UBE2E2: variants seen among roughly 807,000 people sequenced by gnomAD.
UBE2E2 encodes the protein ubiquitin conjugating enzyme E2 E2, also known as ubiquitin-conjugating enzyme E2 E2.
Under a neutral mutation model 24.7 loss-of-function variants are expected in UBE2E2, and 6 were observed. The observed-to-expected ratio is 0.24, with a 90% CI of 0.13 to 0.48. The LOEUF is 0.48. UBE2E2 is among the 20% of genes least tolerant of loss of function. The pLI, the probability that UBE2E2 is intolerant of heterozygous loss-of-function variation, is 0.99. For synonymous variants in UBE2E2, 104 were observed against 83.6 expected (o/e 1.24, Z -1.33); for missense variants, 169 against 245.0 (o/e 0.69, Z 2.07).
intron 5 of UBE2E2, among the ~76,000 whole-genome samples, chr3:23,535,674 A>G (rs1214732387): frequency 5.8e-5 from 7 of 121,412 alleles, no homozygotes; most frequent in African/African-American, 2.0e-4. Context: ...CCCAGGCTGG[A>G]TTGCAATGGC....
At chr3:23,553,440 T>A (rs1372372601) in intron 5 of UBE2E2, among the ~76,000 whole-genome samples, 2 of 152,312 alleles carry the variant, frequency 1.3e-5, no homozygotes, top group East Asian at 3.9e-4. Context: ...TAGCTATAAC[T>A]ATAGGGCCTT....
intron 4 of UBE2E2, among the ~76,000 whole-genome samples, chr3:23,519,455 T>G (rs1289807179): frequency 2.6e-5 from 4 of 152,204 alleles, no homozygotes; most frequent in African/African-American, 9.6e-5. Flanking sequence ...TACAGTATTA[T>G]GAGTATCAGG....
intron 3 of UBE2E2, among the ~76,000 whole-genome samples, chr3:23,271,612 T>C (rs568354591): frequency 1.3e-5 from 2 of 152,280 alleles, no homozygotes; most frequent in South Asian, 4.1e-4. Flanking sequence ...GGGTGTTGAT[T>C]GGTGCGTTTA....
At chr3:23,479,737 G>A (rs1438167015) in intron 3 of UBE2E2, among the ~76,000 whole-genome samples, 1 of 152,180 alleles carries the variant, frequency 6.6e-6, no homozygotes, top group East Asian at 1.9e-4. Flanking sequence ...TTTGCAGGCA[G>A]CTTGTCCCAA....
intron 3 of UBE2E2, among the ~76,000 whole-genome samples, chr3:23,444,764 A>C (rs1281189575): frequency 6.6e-6 from 1 of 152,172 alleles, no homozygotes; most frequent in Non-Finnish European, 1.5e-5. Flanking sequence ...GTGTACGGTA[A>C]AGCAAATGGA....
In UBE2E2 at chr3:23,351,087, T is replaced by G. The variant is rs1695734672; in HGVS notation, c.227+133775T>G. 2.6e-5 allele frequency among the ~76,000 whole-genome samples: 4 copies of G among 152,194 alleles called. No individual in the cohort carries two copies. In the South Asian group the frequency reaches 8.3e-4, roughly 32 times the overall value. On this transcript the variant is annotated intron_variant, in intron 3 of 5. Coordinates refer to ENST00000396703, the MANE Select transcript of UBE2E2 (RefSeq NM_152653.4). ...AGAGAGTGGGGACAAATATTCAACA[T>G]TCCTAAAGAAATGAATTTTCAGCCC... is the stretch of plus-strand genomic sequence containing the variant.
chr3:23,465,332 C>T (rs928874771), intron 3 of UBE2E2, among the ~76,000 whole-genome samples: 19 of 152,170 alleles, frequency 1.2e-4, no homozygotes, highest in African/African-American at 4.6e-4. Context: ...CCAAAGTAGG[C>T]AATTGGAATC....
intron 3 of UBE2E2, among the ~76,000 whole-genome samples, chr3:23,422,652 G>C (rs1443867339): frequency 6.6e-6 from 1 of 152,204 alleles, no homozygotes; most frequent in African/African-American, 2.4e-5. Context: ...GGGTTATCAG[G>C]TGGAAGACAG....
At chr3:23,361,524 G>C (rs1696113580) in intron 3 of UBE2E2, among the ~76,000 whole-genome samples, 1 of 152,222 alleles carries the variant, frequency 6.6e-6, no homozygotes, top group Non-Finnish European at 1.5e-5. Flanking sequence ...TATGTTCTTT[G>C]CAGCAACTTA....
At chr3:23,366,195 AC>A (rs1330528682) in intron 3 of UBE2E2, among the ~76,000 whole-genome samples, 1 of 152,208 alleles carries the variant, frequency 6.6e-6, no homozygotes, top group Non-Finnish European at 1.5e-5. Flanking sequence ...AGAAAAGGGA[AC>A]ACTTATACAC....
At chr3:23,229,580 A>G (rs1350623134) in intron 3 of UBE2E2, among the ~76,000 whole-genome samples, 1 of 152,232 alleles carries the variant, frequency 6.6e-6, no homozygotes, top group African/African-American at 2.4e-5. Flanking sequence ...AACTTGCTGA[A>G]GGTCACATAG....
intron 3 of UBE2E2, among the ~76,000 whole-genome samples, chr3:23,425,451 G>C (rs1389627412): frequency 1.3e-5 from 2 of 152,144 alleles, no homozygotes; most frequent in Non-Finnish European, 2.9e-5. Flanking sequence ...TAGCATGTAA[G>C]GAGCTTAGAA....
intron 3 of UBE2E2, among the ~76,000 whole-genome samples, chr3:23,344,717 C>T (rs1265212780): frequency 6.6e-6 from 1 of 151,522 alleles, no homozygotes; most frequent in Non-Finnish European, 1.5e-5. Flanking sequence ...TATATATACA[C>T]ATACACACAC....
At chr3:23,262,277 C>T (rs1697922497) in intron 3 of UBE2E2, among the ~76,000 whole-genome samples, 2 of 151,980 alleles carry the variant, frequency 1.3e-5, no homozygotes, top group South Asian at 2.1e-4. Context: ...ATTCAGGGCT[C>T]TTACCAATTT....
chr3:23,486,694 G>C (rs1265658891), intron 3 of UBE2E2, among the ~76,000 whole-genome samples: 2 of 152,190 alleles, frequency 1.3e-5, no homozygotes, highest in African/African-American at 4.8e-5. Flanking sequence ...GCTCTCAGGA[G>C]ACTCAAAGTG....
intron 3 of UBE2E2, among the ~76,000 whole-genome samples, chr3:23,411,596 AT>A (rs947721258): frequency 1.3e-5 from 2 of 152,164 alleles, no homozygotes; most frequent in African/African-American, 4.8e-5. Context: ...AACATTTTAA[AT>A]TTCTCAATAT....
chr3:23,284,728 A>G (rs1698571400), intron 3 of UBE2E2, among the ~76,000 whole-genome samples: 1 of 151,766 alleles, frequency 6.6e-6, no homozygotes, highest in Non-Finnish European at 1.5e-5. Flanking sequence ...ATATATATTT[A>G]GGAATACAAT....
chr3:23,556,363 A>T (rs1295830673), intron 5 of UBE2E2, among the ~76,000 whole-genome samples: 1 of 147,486 alleles, frequency 6.8e-6, no homozygotes, highest in Non-Finnish European at 1.5e-5. Flanking sequence ...GGATGGTCTC[A>T]ATCTCTTGAC....
intron 4 of UBE2E2, among the ~76,000 whole-genome samples, chr3:23,520,256 G>T (rs1694832898): frequency 6.6e-6 from 1 of 152,072 alleles, no homozygotes. Context: ...ACCTATGTCT[G>T]TTTCTTAGTA....
Sources: allele counts gnomAD v4.1 joint callset (sites outside exome capture counted in the v4.1 genomes callset), GRCh38; gene constraint gnomAD v4.1.1; transcripts MANE v1.5; gene names NCBI Gene and HGNC (gene_info 2026-07-23, HGNC 2026-07-21).